Variants in TMC5 observed in about 807,000 individuals in gnomAD.
TMC5 encodes transmembrane channel like 5, also known as transmembrane channel-like protein 5.
A neutral mutation model predicts 110.5 loss-of-function variants in TMC5; 86 were observed. That is an observed-to-expected ratio of 0.78 (90% CI 0.65 to 0.93). The LOEUF (loss-of-function observed/expected upper bound fraction) is 0.93, where lower values mean the gene tolerates loss of function less well. Ranked by LOEUF, TMC5 falls within the 40% of genes least tolerant of loss-of-function variation. The probability of loss-of-function intolerance (pLI) is 0.00; values close to 1 mark genes in which losing one functional copy is unlikely to be tolerated. For missense variants in TMC5, 1,144 were observed against 1,222.8 expected, an observed-to-expected ratio of 0.94 and a Z score of 0.96; for synonymous variants, 455 against 439.5, an observed-to-expected ratio of 1.04 and a Z score of -0.44.
At position 19,464,040 on chromosome 16, in the gene TMC5, C is replaced by G; in HGVS notation, c.1485+16C>G. 6.2e-7 allele frequency: 1 copy of G among 1,611,242 alleles called. No individual in the cohort carries two copies. The highest frequency in any genetic ancestry group is 8.5e-7 in the Non-Finnish European group (1 of 1,178,492). ...CACTGGGGTGGTAAGTCCTCCACTT[C>G]CCCTACCCCAAGTGCACCAATCACC... is the stretch of plus-strand genomic sequence containing the variant. On this transcript the variant is annotated intron_variant, in intron 8 of 21. Coordinates refer to ENST00000542583, the MANE Select transcript of TMC5 (RefSeq NM_001261841.2).
At chr16:19,488,409 C>G (rs191327741) in intron 17 of TMC5, among the ~76,000 whole-genome samples, 7 of 152,084 alleles carry the variant, frequency 4.6e-5, no homozygotes, top group Non-Finnish European at 8.8e-5. Context: ...GATGCCCCCC[C>G]ACCCCGTTCC....
At chr16:19,467,682 A>G (rs1044446770) in intron 9 of TMC5, among the ~76,000 whole-genome samples, 1 of 152,060 alleles carries the variant, frequency 6.6e-6, no homozygotes, top group Admixed American at 6.6e-5. Flanking sequence ...GGGTTTCACC[A>G]TGTTGGCCAG....
At chr16:19,477,715 A>G (rs890109038) in intron 13 of TMC5, among the ~76,000 whole-genome samples, 197 bp downstream of exon 13, 1 of 152,206 alleles carries the variant, frequency 6.6e-6, no homozygotes, top group Non-Finnish European at 1.5e-5. Context: ...AGTCAGGAGG[A>G]CCTGATTTGA....
intron 8 of TMC5, among the ~76,000 whole-genome samples, chr16:19,464,468 CAT>C (rs1361284328): frequency 6.6e-6 from 1 of 152,180 alleles, no homozygotes; most frequent in African/African-American, 2.4e-5. Flanking sequence ...TGCAAAGTAA[CAT>C]ACACACATCG....
At chr16:19,458,282 C>T (rs966811733) in intron 5 of TMC5, among the ~76,000 whole-genome samples, 1 of 152,162 alleles carries the variant, frequency 6.6e-6, no homozygotes, top group South Asian at 2.1e-4. Context: ...ATGATTTTAG[C>T]TCACTGCAGC....
chr16:19,456,241 TATATATATGTATATTTAGAAC>T (rs747770242), intron 5 of TMC5, among the ~76,000 whole-genome samples: 26 of 147,968 alleles, frequency 1.8e-4, no homozygotes, highest in South Asian at 4.2e-4. Context: ...ACATTTAGAA[TATATATATGTATATTTAGAAC>T]ATATATATGT....
intron 2 of TMC5, 114 bp from the exon 3 acceptor site, chr16:19,439,846 A>G: frequency 1.7e-6 from 1 of 578,766 alleles, no homozygotes; most frequent in South Asian, 2.2e-5. Flanking sequence ...TATTCTAGGC[A>G]GTTGTGTACC....
At chr16:19,490,329 C>T (rs142253414) in intron 17 of TMC5, 66 bp from the exon 18 acceptor site, 1 of 1,533,798 alleles carries the variant, frequency 6.5e-7, no homozygotes, top group African/African-American at 1.4e-5. Context: ...GAAGGGACAC[C>T]CTGATTCTAG....
chr16:19,486,646 G>A (rs1253169099), intron 15 of TMC5, among the ~76,000 whole-genome samples: 1 of 152,018 alleles, frequency 6.6e-6, no homozygotes, highest in Non-Finnish European at 1.5e-5. Context: ...CCAAAGTTCT[G>A]GGATTACAGG....
intron 6 of TMC5, 139 bp downstream of exon 6, chr16:19,460,473 C>A: frequency 1.7e-6 from 1 of 578,446 alleles, no homozygotes; most frequent in South Asian, 2.3e-5. Flanking sequence ...TTTCAAATGC[C>A]CTCTGTAGGT....
chr16:19,465,027 CTTT>C (rs1968129188), intron 8 of TMC5, among the ~76,000 whole-genome samples: 2 of 52,096 alleles, frequency 3.8e-5, no homozygotes, highest in African/African-American at 8.4e-5. Context: ...TTCTTTCTTT[CTTT>C]CTTTCTTTCT....
chr16:19,421,084 A>G (rs1323065099), intron 1 of TMC5, among the ~76,000 whole-genome samples: 3 of 152,150 alleles, frequency 2.0e-5, no homozygotes, highest in African/African-American at 2.4e-5. Context: ...GGACACCTGG[A>G]TCGCAAGGTT....
intron 3 of TMC5, among the ~76,000 whole-genome samples, chr16:19,441,786 T>A (rs927486635): frequency 2.0e-5 from 3 of 152,158 alleles, no homozygotes; most frequent in Non-Finnish European, 2.9e-5. Flanking sequence ...TGTTGTTGTT[T>A]TTTATTTATT....
upstream of TMC5, among the ~76,000 whole-genome samples, chr16:19,413,413 A>G (rs1056834749): frequency 6.6e-6 from 1 of 151,488 alleles, no homozygotes; most frequent in Non-Finnish European, 1.5e-5. Context: ...GGTTCCAGCT[A>G]CTCGGGAGGC....
rs1162416514 is a variant in TMC5, at chr16:19,464,037, C to T, written c.1485+13C>T. The T allele has an allele frequency of 6.2e-7, 1 of 1,612,232 alleles. No homozygotes were observed. The highest frequency in any genetic ancestry group is 8.5e-7 in the Non-Finnish European group (1 of 1,178,954). On this transcript the variant is annotated intron_variant, in intron 8 of 21. Coordinates refer to ENST00000542583, the MANE Select transcript of TMC5 (RefSeq NM_001261841.2). ...TTTCACTGGGGTGGTAAGTCCTCCA[C>T]TTCCCCTACCCCAAGTGCACCAATC...
In TMC5 at chr16:19,463,935, C is replaced by A; in HGVS notation, c.1396C>A (p.Leu466Met). The A allele has an allele frequency of 6.2e-7, 1 of 1,614,130 alleles. No individual in the cohort carries two copies. The highest frequency in any genetic ancestry group is 8.5e-7 in the Non-Finnish European group (1 of 1,180,008). ...GAAGTTCAACATTTTCTCATTCATC[C>A]TGAACTTCAGCTTCATCATAATCCC... is the stretch of plus-strand genomic sequence containing the variant. ...LLKFNIFSFI[L>M]NFSFIIIPQF... is the part of the protein sequence containing the mutation. Residue 466 changes from leucine (L) to methionine (M), a missense_variant, in exon 8 of 22, where the codon CTG becomes ATG. Physicochemically the swap from Leu to Met is conservative, Grantham distance 15 (BLOSUM62 2). Transcript: ENST00000542583.
chr16:19,469,223 G>A (rs534023114), intron 9 of TMC5, among the ~76,000 whole-genome samples: 1 of 151,682 alleles, frequency 6.6e-6, no homozygotes, highest in Non-Finnish European at 1.5e-5. Flanking sequence ...GCGTGGTGAT[G>A]GGCACCTGTA....
In TMC5 at chr16:19,436,631, C is replaced by CT. The variant is rs1422706251; in HGVS notation, c.-79-3321dup. On this transcript the variant is annotated intron_variant, in intron 2 of 21. Transcript: ENST00000542583. The stretch of plus-strand genomic sequence containing the variant: ...CAAAACTGGCATATTTGTCAGAATT[C>CT]TTTTTTTTCATTTGCAAATGACAGA... Among the ~76,000 whole-genome samples the CT allele has an allele frequency of 1.2e-4, 19 of 152,120 alleles. 1 individual carries two copies. The Middle Eastern group carries it at 0.014, about 109-fold the overall frequency.
chr16:19,471,303 C>G (rs1271994733), intron 10 of TMC5, among the ~76,000 whole-genome samples: 5 of 152,104 alleles, frequency 3.3e-5, no homozygotes, highest in African/African-American at 1.2e-4. Context: ...GTTGCCCAGG[C>G]TGGTCTTGAA....
Sources: allele counts gnomAD v4.1 joint callset (sites outside exome capture counted in the v4.1 genomes callset), GRCh38; gene constraint gnomAD v4.1.1; transcripts MANE v1.5; gene names NCBI Gene and HGNC (gene_info 2026-07-23, HGNC 2026-07-21).